Variants in ESR1 observed in about 807,000 individuals in gnomAD.
The protein encoded by ESR1 is estrogen receptor 1, also known as estrogen receptor.
In ESR1, 12 loss-of-function variants were observed where a neutral mutation model predicts 52.7. The ratio of observed to expected loss-of-function variants is 0.23; its 90% confidence interval spans 0.15 to 0.37. The LOEUF is 0.37. Ranked by LOEUF, ESR1 falls within the 10% of genes least tolerant of loss-of-function variation. The pLI is 1.00. For missense variants in ESR1, 584 were observed against 779.7 expected, an observed-to-expected ratio of 0.75 and a Z score of 2.99; for synonymous variants, 305 against 316.8, an observed-to-expected ratio of 0.96 and a Z score of 0.39.
intron 4 of ESR1, among the ~76,000 whole-genome samples, chr6:151,985,540 C>CAAAAAAAAAA (rs556588370): frequency 6.2e-5 from 5 of 81,110 alleles, no homozygotes; most frequent in African/African-American, 2.0e-4. Flanking sequence ...AAAACACAAA[C>CAAAAAAAAAA]AAAAAAAAAA....
At chr6:151,810,707 G>A (rs1015991937) in intron 1 of ESR1, among the ~76,000 whole-genome samples, 21 of 152,142 alleles carry the variant, frequency 1.4e-4, no homozygotes, top group African/African-American at 4.1e-4. Flanking sequence ...ATGGTATTTC[G>A]TAAGGATAAG....
chr6:151,787,385 T>C (rs920055866), intron 2 of ESR1, among the ~76,000 whole-genome samples: 2 of 152,228 alleles, frequency 1.3e-5, no homozygotes, highest in Admixed American at 6.5e-5. Flanking sequence ...GTGAAGTATG[T>C]CACTGGTAGT....
chr6:151,747,545 T>TA (rs144440577), intron 2 of ESR1, among the ~76,000 whole-genome samples: 9,298 of 152,228 alleles, frequency 0.061, 565 homozygotes, highest in East Asian at 0.27. Context: ...ATAATGCTTC[T>TA]AAAAACTATT....
intron 1 of ESR1, among the ~76,000 whole-genome samples, chr6:151,693,620 A>G (rs773567556): frequency 5.9e-5 from 9 of 152,034 alleles, no homozygotes; most frequent in Non-Finnish European, 1.3e-4. Flanking sequence ...ATAGAGCTCT[A>G]TGCTGATTTT....
chr6:151,675,384 T>C (rs1470802873), intron 1 of ESR1, among the ~76,000 whole-genome samples: 1 of 152,138 alleles, frequency 6.6e-6, no homozygotes, highest in Non-Finnish European at 1.5e-5. Context: ...AGCTCAGTGG[T>C]CTCGGATGCT....
intron 1 of ESR1, among the ~76,000 whole-genome samples, chr6:151,685,294 C>T (rs375626387): frequency 0.033 from 4,959 of 150,838 alleles, 266 homozygotes; most frequent in African/African-American, 0.11. Context: ...CCACCGCGCC[C>T]GGCTAATTTT....
At chr6:152,113,574 TTGTGTG>T (rs149373494) in intron 6 of ESR1, among the ~76,000 whole-genome samples, 6 of 149,224 alleles carry the variant, frequency 4.0e-5, no homozygotes, top group African/African-American at 7.4e-5. Flanking sequence ...AGATCTCATA[TTGTGTG>T]TGTGTGTGTG....
intron 1 of ESR1, among the ~76,000 whole-genome samples, chr6:151,821,656 G>A (rs967072722): frequency 7.2e-5 from 11 of 152,026 alleles, no homozygotes; most frequent in Admixed American, 1.3e-4. Context: ...TGTGAAAATG[G>A]AACTTGCATT....
At chr6:152,119,103 C>T (rs2051245503) in intron 6 of ESR1, among the ~76,000 whole-genome samples, 1 of 152,206 alleles carries the variant, frequency 6.6e-6, no homozygotes, top group African/African-American at 2.4e-5. Flanking sequence ...ACACGATTAG[C>T]TTTCATAAAT....
intron 1 of ESR1, among the ~76,000 whole-genome samples, chr6:151,837,516 G>T (rs1187041907): frequency 1.3e-5 from 2 of 152,264 alleles, no homozygotes; most frequent in South Asian, 4.1e-4. Context: ...CAGTGGTATT[G>T]TGTCTTTTTT....
At chr6:152,086,027 T>G (rs970791814) in intron 6 of ESR1, among the ~76,000 whole-genome samples, 1 of 152,190 alleles carries the variant, frequency 6.6e-6, no homozygotes, top group African/African-American at 2.4e-5. Flanking sequence ...GTATCCAGGA[T>G]GTTTTGGTCT....
chr6:152,055,067 A>T (rs1047004062), intron 5 of ESR1, among the ~76,000 whole-genome samples: 1 of 150,738 alleles, frequency 6.6e-6, no homozygotes, highest in Non-Finnish European at 1.5e-5. Context: ...TCCATATTTT[A>T]TTTTTTTTTG....
chr6:151,881,404 C>CTG lies in ESR1; in HGVS notation c.760+646_760+647dup, dbSNP rs139187614. ...GTTTGTGTTTTTGTGGTCTTTGTGGCTGTGTGTGTGTGTGGTTTTCTGTCT... is the reference window on the plus strand; with the variant it reads ...GTTTGTGTTTTTGTGGTCTTTGTGGCTGTGTGTGTGTGTGTGGTTTTCTGTCT... On this transcript the variant is annotated intron_variant, in intron 3 of 7. Coordinates refer to ENST00000206249, the MANE Select transcript of ESR1 (RefSeq NM_000125.4). 2.8e-4 allele frequency among the ~76,000 whole-genome samples: 42 copies of CTG among 151,536 alleles called. 1 individual carries two copies. The highest frequency in any genetic ancestry group is 4.4e-4 in the African/African-American group (18 of 41,242).
Position 151,848,755 on chromosome 6 carries a change from T to A in ESR1, c.643+5968T>A, listed in dbSNP as rs1182939283. Among the ~76,000 whole-genome samples the A allele has an allele frequency of 3.3e-5, 5 of 152,128 alleles. No individual in the cohort carries two copies. The South Asian group carries it at 6.2e-4, about 19-fold the overall frequency. ...ATTTCCACACTTGCTCTTATACGAT[T>A]CAGTTTCCATGCAACAGCAGGAGAG... On this transcript the variant is annotated intron_variant, in intron 2 of 7. Coordinates refer to ENST00000206249, the MANE Select transcript of ESR1 (RefSeq NM_000125.4).
At chr6:151,964,677 T>G (rs1404842136) in intron 4 of ESR1, among the ~76,000 whole-genome samples, 1 of 151,506 alleles carries the variant, frequency 6.6e-6, no homozygotes, top group Non-Finnish European at 1.5e-5. Flanking sequence ...AGTCTCACTC[T>G]GTCACCCAGG....
intron 2 of ESR1, among the ~76,000 whole-genome samples, chr6:151,786,395 A>G (rs1344792454): frequency 6.6e-6 from 1 of 152,190 alleles, no homozygotes. Context: ...TGTGCTGGCA[A>G]AGGTGAGCTG....
intron 5 of ESR1, among the ~76,000 whole-genome samples, chr6:152,020,947 A>T (rs2043593164): frequency 6.6e-6 from 1 of 152,206 alleles, no homozygotes; most frequent in South Asian, 2.1e-4. Flanking sequence ...CTAATATAAG[A>T]AGAAAGATGA....
chr6:151,706,746 A>T (rs1469515344), intron 2 of ESR1, among the ~76,000 whole-genome samples: 1 of 152,180 alleles, frequency 6.6e-6, no homozygotes, highest in Non-Finnish European at 1.5e-5. Flanking sequence ...AAGTGTTTCC[A>T]GTGTTAAGAC....
intron 2 of ESR1, among the ~76,000 whole-genome samples, chr6:151,753,162 C>G (rs1015793923): frequency 6.6e-6 from 1 of 152,156 alleles, no homozygotes; most frequent in Non-Finnish European, 1.5e-5. Flanking sequence ...TGCTTTAAAG[C>G]TAGGATTATG....
Sources: allele counts gnomAD v4.1 joint callset (sites outside exome capture counted in the v4.1 genomes callset), GRCh38; gene constraint gnomAD v4.1.1; transcripts MANE v1.5; gene names NCBI Gene and HGNC (gene_info 2026-07-23, HGNC 2026-07-21).